Variants in CACNA1I observed in about 807,000 individuals in gnomAD.
The protein encoded by CACNA1I is calcium voltage-gated channel subunit alpha1 I.
CACNA1I carries 74 observed loss-of-function variants against 201.6 expected under a neutral mutation model. The ratio of observed to expected loss-of-function variants is 0.37; its 90% CI spans 0.30 to 0.45. The LOEUF is 0.45. Ranked by LOEUF, CACNA1I falls within the 20% of genes least tolerant of loss-of-function variation. The pLI is 1.00. For synonymous variants in CACNA1I, 1,431 were observed against 1,345.2 expected (o/e 1.06, Z -1.40); for missense variants, 2,346 against 3,138.1 (o/e 0.75, Z 6.03).
At chr22:39,680,284 G>A (rs1332468341) in intron 33 of CACNA1I, among the ~76,000 whole-genome samples, 1 of 152,178 alleles carries the variant, frequency 6.6e-6, no homozygotes, top group African/African-American at 2.4e-5. Context: ...CCACCTCAGG[G>A]CTTAGGCCCA....
chr22:39,643,243 T>C (rs958552653), intron 7 of CACNA1I, among the ~76,000 whole-genome samples: 15 of 152,196 alleles, frequency 9.9e-5, no homozygotes, highest in African/African-American at 3.6e-4. Flanking sequence ...TCAGAAGGGC[T>C]CCAGCTCATT....
In CACNA1I at chr22:39,677,999, A is replaced by G; in HGVS notation, c.4946A>G (p.Glu1649Gly). Residue 1649 changes from glutamate (E) to glycine (G), a missense_variant, in exon 31 of 37, where the codon GAG becomes GGG. This residue lies in a region of CACNA1I where 50 missense variants were observed against 43.6 expected (regional missense o/e 1.15). Coordinates refer to ENST00000402142, the MANE Select transcript of CACNA1I (RefSeq NM_021096.4). The surrounding 1 kb of genome is among the most constrained non-coding windows in gnomAD (Gnocchi z 4.8). Reference protein sequence around the residue: ...ELFGKLVCNDENPCEGMSRHA... With the variant: ...ELFGKLVCNDGNPCEGMSRHA... Reference sequence around the variant, plus strand: ...TCCCCGCTTCCAGTCTGCAACGACGAGAACCCGTGCGAGGGCATGAGCCGG... The same window carrying G: ...TCCCCGCTTCCAGTCTGCAACGACGGGAACCCGTGCGAGGGCATGAGCCGG... The G allele has an allele frequency of 1.9e-6, 3 of 1,593,860 alleles. No homozygotes were observed. The highest frequency in any genetic ancestry group is 2.6e-6 in the Non-Finnish European group (3 of 1,170,752).
intron 31 of CACNA1I, 99 bp from the exon 32 acceptor site, chr22:39,679,008 G>T: frequency 1.1e-6 from 1 of 906,808 alleles, no homozygotes; most frequent in South Asian, 1.7e-5. Flanking sequence ...GTTGAATCTC[G>T]GTCTTGCTGC....
chr22:39,667,791 C>T (rs979903833), intron 23 of CACNA1I, among the ~76,000 whole-genome samples: 1 of 152,158 alleles, frequency 6.6e-6, no homozygotes, highest in Non-Finnish European at 1.5e-5. Flanking sequence ...ATCACATAGC[C>T]AGTGAGTGGC....
In CACNA1I at chr22:39,686,595, A is replaced by G; in HGVS notation, c.*190A>G. 1 of 239,666 alleles carries G rather than the reference A, an allele frequency of 4.2e-6. No homozygotes were observed. The allele number at this position is 239,666 out of a possible 1,614,324, so 14.8% of individuals were successfully genotyped here. Reference sequence around the variant, plus strand: ...CTGCGTGGCCCATGGTGGCCCTTCCAGTGCATATACATACATATATATATA... The same window carrying G: ...CTGCGTGGCCCATGGTGGCCCTTCCGGTGCATATACATACATATATATATA... On this transcript the variant is annotated 3_prime_UTR_variant, in exon 37 of 37. Transcript: ENST00000402142.
intron 3 of CACNA1I, among the ~76,000 whole-genome samples, chr22:39,601,848 TC>T (rs1933042956): frequency 3.0e-5 from 3 of 100,718 alleles, no homozygotes; most frequent in African/African-American, 1.2e-4. Flanking sequence ...CCTCCCTCCC[TC>T]CCTCCCTCCT....
At chr22:39,617,149 G>C (rs1933562131) in intron 3 of CACNA1I, among the ~76,000 whole-genome samples, 1 of 152,342 alleles carries the variant, frequency 6.6e-6, no homozygotes, top group South Asian at 2.1e-4. Context: ...GCACCCAGTA[G>C]GGTCTCAAAC....
In CACNA1I at chr22:39,658,250, C is replaced by G; in HGVS notation, c.2091C>G (p.Phe697Leu). Residue 697 changes from phenylalanine (F) to leucine (L), a missense_variant, in exon 11 of 37, where the codon TTC becomes TTG. Physicochemically the swap from Phe to Leu is conservative, Grantham distance 22 (BLOSUM62 0). This residue lies in a region of CACNA1I where 155 missense variants were observed against 300.8 expected (regional missense o/e 0.52). Coordinates refer to ENST00000402142, the MANE Select transcript of CACNA1I (RefSeq NM_021096.4). Reference protein sequence around the residue: ...MILKLAAFGLFDYLRNPYNIF... With the variant: ...MILKLAAFGLLDYLRNPYNIF... ...TGAAGCTGGCTGCATTTGGGCTCTT[C>G]GACTACCTGCGTAACCCCTACAACA... is the stretch of plus-strand genomic sequence containing the variant. The G allele has an allele frequency of 2.5e-6, 4 of 1,613,950 alleles. No individual in the cohort carries two copies. Among genetic ancestry groups the G allele is most frequent in the Non-Finnish European group, 3.4e-6 (4 of 1,179,868 alleles).
At chr22:39,670,386 A>C (rs1935335448) in intron 25 of CACNA1I, among the ~76,000 whole-genome samples, 156 bp downstream of exon 25, 1 of 152,186 alleles carries the variant, frequency 6.6e-6, no homozygotes, top group Non-Finnish European at 1.5e-5. Flanking sequence ...CTTCCTGTCC[A>C]GGGGATCTGA....
At chr22:39,641,994 C>T (rs1934362376) in intron 6 of CACNA1I, among the ~76,000 whole-genome samples, 1 of 152,184 alleles carries the variant, frequency 6.6e-6, no homozygotes. Flanking sequence ...TTTCTGCTGT[C>T]CTCAGAAAGA....
intron 1 of CACNA1I, among the ~76,000 whole-genome samples, chr22:39,593,215 A>G (rs772249575): frequency 1.5e-4 from 23 of 152,162 alleles, no homozygotes; most frequent in Non-Finnish European, 2.5e-4. Flanking sequence ...TGAATCAGAC[A>G]ATCTGGGCTG....
chr22:39,576,855 G>A (rs1256751805), intron 1 of CACNA1I, among the ~76,000 whole-genome samples: 1 of 152,198 alleles, frequency 6.6e-6, no homozygotes, highest in Non-Finnish European at 1.5e-5. Context: ...TCCTGACCGC[G>A]CCTTGCCCCT....
At position 39,651,644 on chromosome 22, in the gene CACNA1I, C is replaced by T. The variant is rs368224628; in HGVS notation, c.1992+1719C>T. On this transcript the variant is annotated intron_variant, in intron 10 of 36. Coordinates refer to ENST00000402142, the MANE Select transcript of CACNA1I (RefSeq NM_021096.4). ...CTCCAGTCTCCAAGTGGGGCAGCAT[C>T]GAGGGGGCCTGCACAGCCCTGCTAC... is the stretch of plus-strand genomic sequence containing the variant. 1.4e-4 allele frequency among the ~76,000 whole-genome samples: 22 copies of T among 152,266 alleles called. No individual in the cohort carries two copies. In the East Asian group the frequency reaches 1.7e-3, roughly 12 times the overall value.
rs754226978 is a variant in CACNA1I, at chr22:39,649,587, A to T, written c.1654A>T (p.Ser552Cys). 1 of 1,545,418 alleles carries T rather than the reference A, an allele frequency of 6.5e-7. No homozygotes were observed. The highest frequency in any genetic ancestry group is 1.2e-5 in the South Asian group (1 of 83,224). The change falls in exon 10 of 37, where the codon AGC becomes TGC. Residue 552 changes from serine to cysteine, a missense_variant. Transcript: ENST00000402142. This position sits in a 1 kb window ranked among gnomAD's most constrained non-coding sequence, Gnocchi z 7.3. The part of the protein sequence containing the change: ...IPATLASDPA[S>C]CPCCQHEDGR... ...CGCCACGCTGGCTTCCGATCCCGCC[A>T]GCTGCCCTTGCTGCCAGCATGAGGA...
intron 26 of CACNA1I, among the ~76,000 whole-genome samples, chr22:39,671,539 C>T (rs1290419244): frequency 1.3e-5 from 2 of 152,142 alleles, no homozygotes; most frequent in African/African-American, 4.8e-5. Context: ...TGACCATTTC[C>T]CAGCTTGTTG....
rs755985341 is a variant in CACNA1I at position 39,677,725 on chromosome 22, C to T, written c.4934-262C>T. On this transcript the variant is annotated intron_variant, in intron 30 of 36. Transcript: ENST00000402142. This position sits in a 1 kb window ranked among gnomAD's most constrained non-coding sequence, Gnocchi z 4.8. ...GATGGCTCCAGAAAGCAGGGTTCCC[C>T]GAGGGGCTGGCCCTCACCCCATTTC... Among the ~76,000 whole-genome samples, 46 of 152,342 alleles carry T rather than the reference C, an allele frequency of 3.0e-4. No homozygotes were observed. Among genetic ancestry groups the T allele is most frequent in the African/African-American group, 5.3e-4 (22 of 41,584 alleles).
At chr22:39,628,253 A>C (rs1156715562) in intron 4 of CACNA1I, among the ~76,000 whole-genome samples, 2 of 152,182 alleles carry the variant, frequency 1.3e-5, no homozygotes, top group African/African-American at 4.8e-5. Context: ...GACCCTGGCC[A>C]GATGTGGGGC....
intron 1 of CACNA1I, among the ~76,000 whole-genome samples, chr22:39,593,194 C>A (rs537020696): frequency 1.3e-5 from 2 of 152,192 alleles, no homozygotes; most frequent in African/African-American, 4.8e-5. Context: ...CAGCGGCCAC[C>A]AGCACTGCTG....
chr22:39,589,919 G>C (rs1932802106), intron 1 of CACNA1I, among the ~76,000 whole-genome samples: 1 of 152,156 alleles, frequency 6.6e-6, no homozygotes. Context: ...TTTTAGATTT[G>C]ACAAAAATAA....
Sources: allele counts gnomAD v4.1 joint callset (sites outside exome capture counted in the v4.1 genomes callset), GRCh38; gene constraint gnomAD v4.1.1; regional missense constraint gnomAD v4.1.1; non-coding constraint Gnocchi (gnomAD v3.1); transcripts MANE v1.5; gene names NCBI Gene and HGNC (gene_info 2026-07-23, HGNC 2026-07-21).